SPATA2: variants seen among roughly 807,000 people sequenced by gnomAD.
SPATA2 encodes spermatogenesis associated 2.
Under a neutral mutation model 35.4 loss-of-function variants are expected in SPATA2, and 8 were observed. That is an observed-to-expected ratio of 0.23 (90% CI 0.13 to 0.41). SPATA2 has a LOEUF of 0.41. SPATA2 is among the 10% of genes least tolerant of loss of function. The pLI is 1.00. For missense variants in SPATA2, 650 were observed against 698.7 expected, an observed-to-expected ratio of 0.93 and a Z score of 0.79; for synonymous variants, 293 against 300.9, an observed-to-expected ratio of 0.97 and a Z score of 0.27.
chr20:49,906,240 G>T lies in SPATA2; in HGVS notation c.942C>A (p.Pro314=), dbSNP rs140156734. 1.3e-6 allele frequency: 2 copies of T among 1,567,788 alleles called. No individual in the cohort carries two copies. The highest frequency in any genetic ancestry group is 2.7e-5 in the African/African-American group (2 of 74,044). The change falls in exon 3 of 3, where the codon CCC becomes CCA. Residue 314 remains proline, a synonymous_variant. Coordinates refer to ENST00000289431, the MANE Select transcript of SPATA2 (RefSeq NM_006038.4). This position sits in a 1 kb window ranked among gnomAD's most constrained non-coding sequence, Gnocchi z 8.2. ...SPHGSPDVLP[P]ASPSNGPALL... is the part of the protein sequence containing the mutation. The stretch of plus-strand genomic sequence containing the variant: ...GGGCCGGGCCGTTGCTGGGGGAGGC[G>T]GGTGGAAGCACATCCGGGCTGCCGT...
chr20:49,907,993 A>G (rs932376523), intron 2 of SPATA2, among the ~76,000 whole-genome samples, 162 bp downstream of exon 2: 14 of 152,126 alleles, frequency 9.2e-5, no homozygotes, highest in Non-Finnish European at 1.5e-5. Context: ...CGGGCCAGAA[A>G]CGGTTCAGAG....
At chr20:49,911,926 C>T (rs575589624) in intron 1 of SPATA2, among the ~76,000 whole-genome samples, 1 of 152,100 alleles carries the variant, frequency 6.6e-6, no homozygotes, top group Non-Finnish European at 1.5e-5. Flanking sequence ...CACCACCCCA[C>T]GATTCCCATG....
chr20:49,913,555 C>G (rs2090192940), intron 1 of SPATA2: 1 of 152,214 alleles, frequency 6.6e-6, no homozygotes, highest in Non-Finnish European at 1.5e-5. Context: ...CGCCAAAACT[C>G]CGACTCTTGC....
At position 49,903,898 on chromosome 20, in the gene SPATA2, G is replaced by GATTATATAT. The variant is rs2090121564; in HGVS notation, c.*1720_*1721insATATATAAT. Reference sequence around the variant, plus strand: ...CTGTACATCTACATGTGATCTACCAGATAGATATATATATATATATATATA... The same window carrying GATTATATAT: ...CTGTACATCTACATGTGATCTACCAGATTATATATATAGATATATATATATATATATATA... On this transcript the variant is annotated 3_prime_UTR_variant, in exon 3 of 3. Coordinates refer to ENST00000289431, the MANE Select transcript of SPATA2 (RefSeq NM_006038.4). The GATTATATAT allele has an allele frequency of 5.8e-5, 5 of 86,132 alleles. No individual in the cohort carries two copies. The highest frequency in any genetic ancestry group is 1.4e-4 in the Admixed American group (1 of 7,172). 5.3% of individuals were successfully genotyped at this position (86,132 alleles called of 1,614,324 possible).
Position 49,906,354 on chromosome 20 carries a change from C to T in SPATA2, c.828G>A (p.Lys276=), listed in dbSNP as rs529379456. 2 of 1,613,250 alleles carry T rather than the reference C, an allele frequency of 1.2e-6. No individual in the cohort carries two copies. Among genetic ancestry groups the T allele is most frequent in the South Asian group, 2.2e-5 (2 of 91,014 alleles). The change falls in exon 3 of 3, where the codon AAG becomes AAA. Residue 276 remains lysine, a synonymous_variant. Coordinates refer to ENST00000289431, the MANE Select transcript of SPATA2 (RefSeq NM_006038.4). The surrounding 1 kb of genome is among the most constrained non-coding windows in gnomAD (Gnocchi z 8.2). ...PPLKASLSLR[K]EPVATDVGDD... ...CCCCCACATCCGTTGCCACAGGCTCCTTCCGAAGACTCAATGAGGCCTTCA... is the reference window on the plus strand; with the variant it reads ...CCCCCACATCCGTTGCCACAGGCTCTTTCCGAAGACTCAATGAGGCCTTCA...
chr20:49,906,730 C>T lies in SPATA2; in HGVS notation c.452G>A (p.Arg151Lys). ...TPELGTAYKL[R>K]ELVETLQVKM... ...CACCTGGAGGGTCTCCACGAGCTCT[C>T]TGAGCTTGTATGCAGTGCCCAGCTC... Residue 151 changes from arginine to lysine, a missense_variant, in exon 3 of 3, where the codon AGA becomes AAA. Physicochemically the swap from Arg to Lys is conservative, Grantham distance 26 (BLOSUM62 2). Transcript: ENST00000289431. The surrounding 1 kb of genome is among the most constrained non-coding windows in gnomAD (Gnocchi z 8.2). The T allele has an allele frequency of 6.2e-7, 1 of 1,614,238 alleles. No homozygotes were observed.
intron 1 of SPATA2, among the ~76,000 whole-genome samples, chr20:49,910,039 A>G (rs1046387254): frequency 2.0e-5 from 3 of 152,128 alleles, no homozygotes; most frequent in African/African-American, 7.2e-5. Context: ...GCTTTACACA[A>G]TCTTGTCATC....
rs763948942 is a variant in SPATA2 at position 49,905,609 on chromosome 20, C to A, written c.*10G>T. The A allele has an allele frequency of 1.9e-6, 3 of 1,612,628 alleles. No homozygotes were observed. Among genetic ancestry groups the A allele is most frequent in the African/African-American group, 1.3e-5 (1 of 74,904 alleles). On this transcript the variant is annotated 3_prime_UTR_variant, in exon 3 of 3. Coordinates refer to ENST00000289431, the MANE Select transcript of SPATA2 (RefSeq NM_006038.4). ...ATGTAGCCCTTGGAGCTGGAAGGGGCGAGGCCGGTCTATCTGTACACGAGA... is the reference window on the plus strand; with the variant it reads ...ATGTAGCCCTTGGAGCTGGAAGGGGAGAGGCCGGTCTATCTGTACACGAGA...
rs559326954 is a variant in SPATA2, at chr20:49,908,307, G to A, written c.184C>T (p.Arg62Trp). The A allele has an allele frequency of 1.5e-5, 25 of 1,614,242 alleles. No homozygotes were observed. Among genetic ancestry groups the A allele is most frequent in the East Asian group, 2.2e-5 (1 of 44,892 alleles). Residue 62 changes from arginine to tryptophan, a missense_variant, in exon 2 of 3, where the codon CGG becomes TGG. Physicochemically the swap from Arg to Trp is moderately radical, Grantham distance 101 (BLOSUM62 -3). Transcript: ENST00000289431. ...ACCACCTCATAGAACTGGATCAGCC[G>A]GAATCGATAAAAGGGATCCACCTTG... The part of the protein sequence containing the change: ...LHKVDPFYRF[R>W]LIQFYEVVES...
In SPATA2 at chr20:49,905,539, C is replaced by A; in HGVS notation, c.*80G>T. The A allele has an allele frequency of 6.7e-7, 1 of 1,501,794 alleles. No homozygotes were observed. Among genetic ancestry groups the A allele is most frequent in the South Asian group, 1.3e-5 (1 of 79,840 alleles). 93.0% of individuals were successfully genotyped at this position (1,501,794 alleles called of 1,614,324 possible). ...AAGTGCAGGCCTCCGCCTCTGAGAT[C>A]AATGCGTTAGTACTTCTTCACCGTG... On this transcript the variant is annotated 3_prime_UTR_variant, in exon 3 of 3. Transcript: ENST00000289431.
intron 1 of SPATA2, chr20:49,913,699 G>C (rs1295630489): frequency 1.3e-5 from 2 of 152,160 alleles, no homozygotes; most frequent in Non-Finnish European, 2.9e-5. Context: ...TTCCCACACC[G>C]AATGGGGCTA....
chr20:49,904,612 T>C lies in SPATA2; in HGVS notation c.*1007A>G, dbSNP rs780695401. On this transcript the variant is annotated 3_prime_UTR_variant, in exon 3 of 3. Transcript: ENST00000289431. ...TGCACACTGGAGGTAGGTGTATAGA[T>C]AGTTACTGCAGGGAAGACAGTGGCT... The C allele has an allele frequency of 2.0e-5, 3 of 152,518 alleles. No homozygotes were observed. Among genetic ancestry groups the C allele is most frequent in the Non-Finnish European group, 4.4e-5 (3 of 68,030 alleles). 9.4% of individuals were successfully genotyped at this position (152,518 alleles called of 1,614,324 possible).
chr20:49,906,390 C>T lies in SPATA2; in HGVS notation c.792G>A (p.Arg264=), dbSNP rs1347236156. ...VDAYDSYWES[R]KPPLKASLSL... is the part of the protein sequence containing the mutation. ...TCAATGAGGCCTTCAGGGGTGGCTTCCGGCTCTCCCAGTAGCTGTCATAGG... is the reference window on the plus strand; with the variant it reads ...TCAATGAGGCCTTCAGGGGTGGCTTTCGGCTCTCCCAGTAGCTGTCATAGG... The change falls in exon 3 of 3, where the codon CGG becomes CGA. Residue 264 remains arginine, a synonymous_variant. Coordinates refer to ENST00000289431, the MANE Select transcript of SPATA2 (RefSeq NM_006038.4). This position sits in a 1 kb window ranked among gnomAD's most constrained non-coding sequence, Gnocchi z 8.2. The T allele has an allele frequency of 1.2e-6, 2 of 1,613,680 alleles. No homozygotes were observed. The highest frequency in any genetic ancestry group is 1.7e-6 in the Non-Finnish European group (2 of 1,180,010).
chr20:49,914,030 G>GAA (rs76188301), intron 1 of SPATA2, among the ~76,000 whole-genome samples: 3 of 142,616 alleles, frequency 2.1e-5, no homozygotes, highest in Admixed American at 6.9e-5. Context: ...CAGTCTGGTG[G>GAA]AAAAAAAAAA....
chr20:49,906,586 C>T lies in SPATA2; in HGVS notation c.596G>A (p.Ser199Asn), dbSNP rs1177978589. 6.8e-6 allele frequency: 11 copies of T among 1,614,108 alleles called. No homozygotes were observed. The highest frequency in any genetic ancestry group is 2.7e-5 in the African/African-American group (2 of 74,946). Residue 199 changes from serine (S) to asparagine (N), a missense_variant, in exon 3 of 3, where the codon AGC becomes AAC. Coordinates refer to ENST00000289431, the MANE Select transcript of SPATA2 (RefSeq NM_006038.4). The surrounding 1 kb of genome is among the most constrained non-coding windows in gnomAD (Gnocchi z 8.2). Reference sequence around the variant, plus strand: ...GCAGCCGCGCACATCCTCTGCACTGCTCTTGCGCTCGCTCACAATGTCCAG... The same window carrying T: ...GCAGCCGCGCACATCCTCTGCACTGTTCTTGCGCTCGCTCACAATGTCCAG... ...SELDIVSERKSSAEDVRGCSD... is the reference protein window; with the variant it reads ...SELDIVSERKNSAEDVRGCSD...
At chr20:49,907,384 G>C (rs761253253) in intron 2 of SPATA2, among the ~76,000 whole-genome samples, 1 of 152,178 alleles carries the variant, frequency 6.6e-6, no homozygotes, top group Non-Finnish European at 1.5e-5. Flanking sequence ...AACACAGGAA[G>C]CAAAACCTCT....
In SPATA2 at chr20:49,908,177, T is replaced by C. The variant is rs768201838; in HGVS notation, c.314A>G (p.Lys105Arg). The part of the protein sequence containing the change: ...VGINLFLYPW[K>R]KEFRSIKTYT... Reference sequence around the variant, plus strand: ...CACCTTGATGCTTCTGAATTCCTTCTTCCACGGGTAGAGGAAGAGGTTGAT... The same window carrying C: ...CACCTTGATGCTTCTGAATTCCTTCCTCCACGGGTAGAGGAAGAGGTTGAT... The change falls in exon 2 of 3, where the codon AAG (lysine) becomes AGG (arginine). Residue 105 changes from lysine (K) to arginine (R), a missense_variant. By Grantham distance (26) the Lys-to-Arg change is conservative. Coordinates refer to ENST00000289431, the MANE Select transcript of SPATA2 (RefSeq NM_006038.4). 1.2e-6 allele frequency: 2 copies of C among 1,609,580 alleles called. No individual in the cohort carries two copies. Among genetic ancestry groups the C allele is most frequent in the Non-Finnish European group, 1.7e-6 (2 of 1,177,354 alleles).
chr20:49,915,461 C>T lies in SPATA2; in HGVS notation c.-184G>A, dbSNP rs1321830179. The T allele has an allele frequency of 6.6e-6, 1 of 152,250 alleles. No individual in the cohort carries two copies. The highest frequency in any genetic ancestry group is 1.5e-5 in the Non-Finnish European group (1 of 68,074). The allele number at this position is 152,250 out of a possible 1,614,324, so 9.4% of individuals were successfully genotyped here. A position where few individuals can be genotyped will look rare whatever the true frequency, so the allele number is the denominator to read the frequency against. ...GCCGCCGGAGCCGGGCCCCGTCGGG[C>T]TCTAGCCTCTCCGGCCGGCTGCAGG... On this transcript the variant is annotated 5_prime_UTR_variant, in exon 1 of 3. Coordinates refer to ENST00000289431, the MANE Select transcript of SPATA2 (RefSeq NM_006038.4).
In SPATA2 at chr20:49,905,857, C is replaced by A. The variant is rs201647779; in HGVS notation, c.1325G>T (p.Arg442Leu). Residue 442 changes from arginine (R) to leucine (L), a missense_variant, in exon 3 of 3, where the codon CGC (arginine) becomes CTC (leucine). Transcript: ENST00000289431. The part of the protein sequence containing the change: ...KYPGQTQGLD[R>L]LPHLHSKSKP... ...GGATTTGGAGTGAAGGTGCGGGAGGCGGTCGAGGCCCTGAGTCTGGCCTGG... is the reference window on the plus strand; with the variant it reads ...GGATTTGGAGTGAAGGTGCGGGAGGAGGTCGAGGCCCTGAGTCTGGCCTGG... The A allele has an allele frequency of 1.9e-6, 3 of 1,613,736 alleles. No homozygotes were observed. In the Admixed American group the frequency reaches 5.0e-5, roughly 27 times the overall value.
Sources: gnomAD v4.1 joint callset for allele counts (sites outside exome capture counted in the v4.1 genomes callset) on GRCh38, gnomAD v4.1.1 for gene constraint, Gnocchi (gnomAD v3.1) non-coding constraint, MANE v1.5 for transcripts, NCBI Gene and HGNC (gene_info 2026-07-23, HGNC 2026-07-21) for gene names.